RPS6KB1: variants seen among roughly 807,000 people sequenced by gnomAD.
RPS6KB1 encodes ribosomal protein S6 kinase B1, also known as ribosomal protein S6 kinase beta-1.
RPS6KB1 carries 12 observed loss-of-function variants against 70.2 expected under a neutral mutation model. The ratio of observed to expected loss-of-function variants is 0.17; its 90% confidence interval spans 0.11 to 0.28. The LOEUF is 0.28. Among genes scored for constraint, RPS6KB1 ranks in the 10% least tolerant of loss-of-function variants. The probability of loss-of-function intolerance (pLI) is 1.00; values close to 1 mark genes in which losing one functional copy is unlikely to be tolerated. For synonymous variants in RPS6KB1, 175 were observed against 211.2 expected, an observed-to-expected ratio of 0.83 and a Z score of 1.49; for missense variants, 270 against 646.6, an observed-to-expected ratio of 0.42 and a Z score of 6.32.
intron 2 of RPS6KB1, chr17:59,912,457 A>G (rs2042702725): frequency 2.4e-6 from 1 of 411,334 alleles, no homozygotes; most frequent in Non-Finnish European, 4.5e-6. Flanking sequence ...TATAAAAATA[A>G]GTAAATAATT....
Position 59,930,335 on chromosome 17 carries a change from T to G in RPS6KB1, c.587+161T>G. 4.5e-6 allele frequency: 3 copies of G among 669,272 alleles called. No homozygotes were observed. The Admixed American group carries it at 7.0e-5, about 16-fold the overall frequency. The allele number at this position is 669,272 out of a possible 1,614,324, so 41.5% of individuals were successfully genotyped here. A position where few individuals can be genotyped will look rare whatever the true frequency, so the allele number is the denominator to read the frequency against. On this transcript the variant is annotated intron_variant, in intron 6 of 14. Coordinates refer to ENST00000225577, the MANE Select transcript of RPS6KB1 (RefSeq NM_003161.4). ...TTTTGGGACTGGGCAGCTATGGAGG[T>G]CACATCATTCCTTTGCCCTTAGGCT...
intron 4 of RPS6KB1, among the ~76,000 whole-genome samples, chr17:59,923,293 G>A (rs1331235937): frequency 6.6e-6 from 1 of 151,938 alleles, no homozygotes; most frequent in Non-Finnish European, 1.5e-5. Context: ...CCAGGTTCCA[G>A]TCATTCTCGT....
intron 1 of RPS6KB1, among the ~76,000 whole-genome samples, chr17:59,899,684 T>A (rs1432833719): frequency 2.0e-5 from 3 of 152,106 alleles, no homozygotes; most frequent in Non-Finnish European, 2.9e-5. Context: ...TAAAAGAAAC[T>A]GTATCCAGTT....
At chr17:59,927,139 A>G (rs1256093302) in intron 5 of RPS6KB1, among the ~76,000 whole-genome samples, 12 of 151,962 alleles carry the variant, frequency 7.9e-5, no homozygotes, top group Non-Finnish European at 1.3e-4. Flanking sequence ...CTGTAGTGCA[A>G]TGGTGTGATC....
chr17:59,933,186 A>G (rs1006820588), intron 7 of RPS6KB1, among the ~76,000 whole-genome samples: 8 of 151,650 alleles, frequency 5.3e-5, no homozygotes, highest in Admixed American at 5.3e-4. Context: ...ATTCCAGATT[A>G]TACTCCTCCA....
intron 1 of RPS6KB1, among the ~76,000 whole-genome samples, chr17:59,909,286 G>A (rs1418453890): frequency 1.5e-5 from 1 of 65,472 alleles, no homozygotes; most frequent in Admixed American, 2.4e-4. Context: ...TTTTTTTTTT[G>A]AGATGGAGTC....
chr17:59,945,609 A>G, intron 14 of RPS6KB1, 91 bp downstream of exon 14: 1 of 697,136 alleles, frequency 1.4e-6, no homozygotes, highest in Non-Finnish European at 2.6e-6. Context: ...TATATAAATG[A>G]AAGACTGTCA....
Position 59,947,875 on chromosome 17 carries a change from A to T in RPS6KB1, c.*1087A>T, listed in dbSNP as rs1275943429. On this transcript the variant is annotated 3_prime_UTR_variant, in exon 15 of 15. Transcript: ENST00000225577. ...ACTCTCTGTCTAATCTCTTTACAGC[A>T]AATTGGTAAGATTTTCAGTTTTACT... is the stretch of plus-strand genomic sequence containing the variant. The T allele has an allele frequency of 1.1e-5, 4 of 380,614 alleles. No individual in the cohort carries two copies. The highest frequency in any genetic ancestry group is 4.8e-6 in the Non-Finnish European group (1 of 209,534). The allele number at this position is 380,614 out of a possible 1,614,324, so 23.6% of individuals were successfully genotyped here.
At chr17:59,900,919 T>C (rs1267088681) in intron 1 of RPS6KB1, among the ~76,000 whole-genome samples, 1 of 151,446 alleles carries the variant, frequency 6.6e-6, no homozygotes, top group Non-Finnish European at 1.5e-5. Context: ...CTCAGTACTT[T>C]GGGAGGCCAA....
intron 4 of RPS6KB1, among the ~76,000 whole-genome samples, chr17:59,918,867 TG>T (rs1180556808): frequency 1.3e-5 from 2 of 148,448 alleles, no homozygotes; most frequent in Admixed American, 6.8e-5. Flanking sequence ...AGTCTTGCTC[TG>T]TCGTCTAGGC....
intron 12 of RPS6KB1, among the ~76,000 whole-genome samples, chr17:59,937,070 CAG>C (rs1315484298): frequency 1.3e-5 from 2 of 152,150 alleles, no homozygotes; most frequent in African/African-American, 4.8e-5. Context: ...CCATGTCACC[CAG>C]ACTGGTCTTG....
intron 4 of RPS6KB1, among the ~76,000 whole-genome samples, chr17:59,921,562 A>T (rs71373814): frequency 8.7e-4 from 133 of 152,294 alleles, no homozygotes; most frequent in Non-Finnish European, 1.4e-3. Flanking sequence ...AGATGAAATC[A>T]GAGTAGAACC....
Position 59,902,012 on chromosome 17 carries a change from TAA to T in RPS6KB1, c.142-8532_142-8531del, listed in dbSNP as rs759292909. Reference sequence around the variant, plus strand: ...GCGCAACAGAATGAGAACCTGTCTCTAAAAAAAAAAAAAAAAAAAGCTTTTTC... The same window carrying T: ...GCGCAACAGAATGAGAACCTGTCTCTAAAAAAAAAAAAAAAAAGCTTTTTC... On this transcript the variant is annotated intron_variant, in intron 1 of 14. Transcript: ENST00000225577. Among the ~76,000 whole-genome samples the T allele has an allele frequency of 8.7e-3, 460 of 53,022 alleles. 4 individuals are homozygous for T. The highest frequency in any genetic ancestry group is 0.025 in the African/African-American group (367 of 14,636). The allele number at this position is 53,022 out of a possible 152,430, so 34.8% of individuals were successfully genotyped here.
At chr17:59,925,237 A>G (rs932653014) in intron 4 of RPS6KB1, among the ~76,000 whole-genome samples, 3 of 152,062 alleles carry the variant, frequency 2.0e-5, no homozygotes, top group Admixed American at 6.6e-5. Context: ...TTCCACTTTC[A>G]CAGATAATGT....
intron 7 of RPS6KB1, 37 bp downstream of exon 7, chr17:59,931,759 T>G (rs780749394): frequency 1.4e-6 from 2 of 1,447,980 alleles, no homozygotes; most frequent in Admixed American, 3.6e-5. Flanking sequence ...TAGTAAATAA[T>G]CATCTTAAAA....
At chr17:59,912,346 G>T in intron 2 of RPS6KB1, 1 of 229,520 alleles carries the variant, frequency 4.4e-6, no homozygotes, top group South Asian at 6.0e-5. Flanking sequence ...GAAGGATATA[G>T]ATTTCATTAA....
intron 1 of RPS6KB1, among the ~76,000 whole-genome samples, chr17:59,901,212 C>T (rs899272491): frequency 2.7e-5 from 4 of 150,714 alleles, no homozygotes; most frequent in Non-Finnish European, 5.9e-5. Context: ...TACAGTGGCG[C>T]GATCTCGGCT....
chr17:59,947,292 A>T lies in RPS6KB1; in HGVS notation c.*504A>T. On this transcript the variant is annotated 3_prime_UTR_variant, in exon 15 of 15. Coordinates refer to ENST00000225577, the MANE Select transcript of RPS6KB1 (RefSeq NM_003161.4). ...TGATGTTTTACGTGCAAACAACCTG[A>T]ATCTTTTTTTTATATAAATATATAT... 5.0e-6 allele frequency: 5 copies of T among 1,005,836 alleles called. No individual in the cohort carries two copies. Among genetic ancestry groups the T allele is most frequent in the Non-Finnish European group, 6.0e-6 (5 of 830,030 alleles). The allele number at this position is 1,005,836 out of a possible 1,614,324, so 62.3% of individuals were successfully genotyped here.
intron 2 of RPS6KB1, 68 bp from the exon 3 acceptor site, chr17:59,912,610 CCTTTTT>C: frequency 2.0e-6 from 3 of 1,470,124 alleles, no homozygotes; most frequent in Middle Eastern, 3.6e-4. Flanking sequence ...TTCTCTGTCT[CCTTTTT>C]CTTGACTATA....
Sources: gnomAD v4.1 joint callset for allele counts (sites outside exome capture counted in the v4.1 genomes callset) on GRCh38, gnomAD v4.1.1 for gene constraint, MANE v1.5 for transcripts, NCBI Gene and HGNC (gene_info 2026-07-23, HGNC 2026-07-21) for gene names.